Variants in PRKN observed in about 807,000 individuals in gnomAD.
The protein encoded by PRKN is parkin RBR E3 ubiquitin protein ligase.
Under a neutral mutation model 59.5 loss-of-function variants are expected in PRKN, and 56 were observed. The ratio of observed to expected loss-of-function variants is 0.94; its 90% CI spans 0.76 to 1.18. The LOEUF is 1.18. Ranked by LOEUF, PRKN falls within the 50% of genes most tolerant of loss-of-function variation. The pLI is 0.00. For missense variants in PRKN, 657 were observed against 596.4 expected, an observed-to-expected ratio of 1.10 and a Z score of -1.06; for synonymous variants, 250 against 222.1, an observed-to-expected ratio of 1.13 and a Z score of -1.12.
intron 1 of PRKN, among the ~76,000 whole-genome samples, chr6:162,524,821 A>G (rs1334161522): frequency 1.3e-5 from 2 of 152,164 alleles, no homozygotes; most frequent in African/African-American, 4.8e-5. Context: ...CAGTATAATC[A>G]TTTTATGAAG....
chr6:161,408,180 C>T (rs1021269138), intron 9 of PRKN, among the ~76,000 whole-genome samples: 2 of 151,988 alleles, frequency 1.3e-5, no homozygotes. Flanking sequence ...AAAATTCGGC[C>T]GTGGGAAAAT....
rs186682641 is a variant in PRKN at position 161,621,956 on chromosome 6, C to T, written c.872-52540G>A. On this transcript the variant is annotated intron_variant, in intron 7 of 11. Transcript: ENST00000366898. ...TTCCTCAATATCTGATCTCACCTTC[C>T]GCTTAAGCCACCCTCTGTTTTTCTC... Among the ~76,000 whole-genome samples the T allele has an allele frequency of 4.5e-4, 69 of 152,278 alleles. No individual in the cohort carries two copies. In the South Asian group the frequency reaches 5.0e-3, roughly 11 times the overall value.
intron 4 of PRKN, among the ~76,000 whole-genome samples, chr6:162,161,946 A>C (rs569125038): frequency 6.6e-6 from 1 of 152,310 alleles, no homozygotes; most frequent in Admixed American, 6.5e-5. Flanking sequence ...ATAGGTATGC[A>C]TGTATAGGAA....
intron 7 of PRKN, among the ~76,000 whole-genome samples, chr6:161,712,874 G>T (rs1450536313): frequency 1.3e-5 from 2 of 152,130 alleles, no homozygotes; most frequent in East Asian, 1.9e-4. Context: ...ATGGTGGTGG[G>T]GGGGACTTGC....
At chr6:161,916,420 CAAGTAAGTAAAAAT>C (rs1778561868) in intron 6 of PRKN, among the ~76,000 whole-genome samples, 1 of 152,108 alleles carries the variant, frequency 6.6e-6, no homozygotes, top group Non-Finnish European at 1.5e-5. Flanking sequence ...GAAAAGCAAA[CAAGTAAGTAAAAAT>C]ATTAAGTAGA....
At chr6:162,660,100 A>T (rs1271855107) in intron 1 of PRKN, among the ~76,000 whole-genome samples, 1 of 152,226 alleles carries the variant, frequency 6.6e-6, no homozygotes, top group Non-Finnish European at 1.5e-5. Flanking sequence ...GATTTCTCTC[A>T]CACACAATAC....
intron 1 of PRKN, among the ~76,000 whole-genome samples, chr6:162,449,566 T>A (rs1194279880): frequency 6.6e-6 from 1 of 152,018 alleles, no homozygotes; most frequent in East Asian, 1.9e-4. Flanking sequence ...GCTATTTTTA[T>A]GTTTTATATT....
At position 161,861,434 on chromosome 6, in the gene PRKN, G is replaced by T. The variant is rs969114819; in HGVS notation, c.735-75526C>A. Among the ~76,000 whole-genome samples, 11 of 152,112 alleles carry T rather than the reference G, an allele frequency of 7.2e-5. No homozygotes were observed. The South Asian group carries it at 2.3e-3, about 31-fold the overall frequency. On this transcript the variant is annotated intron_variant, in intron 6 of 11. Transcript: ENST00000366898. ...ACACCAGGGCCTGTTGGGCAATGGG[G>T]GGTAAAGGCAGGGAGAGCATTAGAA...
At position 161,419,141 on chromosome 6, in the gene PRKN, T is replaced by C; in HGVS notation, c.1084-32264A>G. Among the ~76,000 whole-genome samples the C allele has an allele frequency of 6.6e-6, 1 of 152,202 alleles. No homozygotes were observed. On this transcript the variant is annotated intron_variant, in intron 9 of 11. Transcript: ENST00000366898. This position sits in a 1 kb window ranked among gnomAD's most constrained non-coding sequence, Gnocchi z 4.1. Reference sequence around the variant, plus strand: ...GTTCACTAAATGCGTAGCTATGCAATGAAAATGGTGAGAATCCTTTACGAG... The same window carrying C: ...GTTCACTAAATGCGTAGCTATGCAACGAAAATGGTGAGAATCCTTTACGAG...
chr6:162,284,227 T>A, intron 2 of PRKN, among the ~76,000 whole-genome samples: 1 of 141,916 alleles, frequency 7.0e-6, no homozygotes, highest in African/African-American at 2.6e-5. Context: ...TTTTTTTTTT[T>A]TTTTTTTTTT....
chr6:162,013,816 T>C (rs766125825), intron 5 of PRKN, among the ~76,000 whole-genome samples: 48 of 152,160 alleles, frequency 3.2e-4, no homozygotes, highest in Non-Finnish European at 1.9e-4. Context: ...TCTGACTTTA[T>C]GCTAAAAGTA....
At chr6:161,697,939 C>A (rs1786089648) in intron 7 of PRKN, among the ~76,000 whole-genome samples, 1 of 152,090 alleles carries the variant, frequency 6.6e-6, no homozygotes, top group African/African-American at 2.4e-5. Flanking sequence ...TTACTCCCAA[C>A]AATTACCCTT....
At chr6:162,671,647 A>G (rs1211768436) in intron 1 of PRKN, among the ~76,000 whole-genome samples, 1 of 152,160 alleles carries the variant, frequency 6.6e-6, no homozygotes, top group Non-Finnish European at 1.5e-5. Context: ...AGAATTTACC[A>G]GTCAATCATA....
At chr6:162,601,903 C>T (rs184179337) in intron 1 of PRKN, among the ~76,000 whole-genome samples, 11 of 152,274 alleles carry the variant, frequency 7.2e-5, no homozygotes, top group Admixed American at 6.5e-4. Context: ...TTTGACAAGG[C>T]AGTGTTCCAA....
chr6:162,715,919 G>C (rs1358720662), intron 1 of PRKN, among the ~76,000 whole-genome samples: 1 of 152,158 alleles, frequency 6.6e-6, no homozygotes, highest in Non-Finnish European at 1.5e-5. Context: ...TTAAGATCCA[G>C]CTCAAATAAA....
chr6:161,664,842 G>A lies in PRKN; in HGVS notation c.872-95426C>T, dbSNP rs187064801. Among the ~76,000 whole-genome samples the A allele has an allele frequency of 6.1e-3, 920 of 150,338 alleles. 2 individuals carry two copies. The highest frequency in any genetic ancestry group is 0.011 in the Non-Finnish European group (779 of 67,784). ...CTTGCTCTGTCACCCAGGCTGGAGT[G>A]TAGTGGTGCGATCTCAGCTCACTAC... On this transcript the variant is annotated intron_variant, in intron 7 of 11. Coordinates refer to ENST00000366898, the MANE Select transcript of PRKN (RefSeq NM_004562.3).
chr6:162,073,433 G>C (rs1053624855), intron 4 of PRKN, among the ~76,000 whole-genome samples: 1 of 152,054 alleles, frequency 6.6e-6, no homozygotes, highest in Non-Finnish European at 1.5e-5. Context: ...CTATAGCTTT[G>C]GGTTTTTTTG....
intron 7 of PRKN, among the ~76,000 whole-genome samples, chr6:161,770,765 G>A (rs1789636484): frequency 6.6e-6 from 1 of 152,132 alleles, no homozygotes; most frequent in Admixed American, 6.5e-5. Flanking sequence ...ACTGTGCCTG[G>A]CCGGCAACAG....
rs184112015 is a variant in PRKN, at chr6:161,403,780, T to C, written c.1084-16903A>G. On this transcript the variant is annotated intron_variant, in intron 9 of 11. Transcript: ENST00000366898. ...AGTCTTTCAGAGGTTATTAGGTCAT[T>C]AGGGCTCCACCCTCATGAATGCATT... Among the ~76,000 whole-genome samples, 369 of 152,242 alleles carry C rather than the reference T, an allele frequency of 2.4e-3. 6 individuals carry two copies. Among genetic ancestry groups the C allele is most frequent in the African/African-American group, 8.3e-3 (343 of 41,512 alleles).
Sources: allele counts gnomAD v4.1 joint callset (sites outside exome capture counted in the v4.1 genomes callset), GRCh38; gene constraint gnomAD v4.1.1; non-coding constraint Gnocchi (gnomAD v3.1); transcripts MANE v1.5; gene names NCBI Gene and HGNC (gene_info 2026-07-23, HGNC 2026-07-21).